The following SPON1 variants were observed in gnomAD, a reference collection of about 807,000 sequenced individuals.
The protein encoded by SPON1 is spondin 1, also known as spondin-1.
A neutral mutation model predicts 111.7 loss-of-function variants in SPON1; 52 were observed. That is an observed-to-expected ratio of 0.47 (90% CI 0.37 to 0.59). The LOEUF (loss-of-function observed/expected upper bound fraction) is 0.59, where lower values mean the gene tolerates loss of function less well. Among genes scored for constraint, SPON1 ranks in the 20% least tolerant of loss-of-function variants. The pLI, the probability that SPON1 is intolerant of heterozygous loss-of-function variation, is 0.00. For synonymous variants in SPON1, 410 were observed against 395.8 expected, an observed-to-expected ratio of 1.04 and a Z score of -0.43; for missense variants, 957 against 1,068.5, an observed-to-expected ratio of 0.90 and a Z score of 1.46.
chr11:14,083,117 G>C (rs936743717), intron 5 of SPON1, among the ~76,000 whole-genome samples: 7 of 152,040 alleles, frequency 4.6e-5, no homozygotes, highest in Non-Finnish European at 8.8e-5. Flanking sequence ...TAATAAACTT[G>C]TTCCAGGTTA....
chr11:13,990,667 C>A (rs1190350393), intron 2 of SPON1, among the ~76,000 whole-genome samples: 1 of 151,832 alleles, frequency 6.6e-6, no homozygotes, highest in African/African-American at 2.4e-5. Context: ...TTCATAGTGT[C>A]GATATTCTTT....
At chr11:14,197,175 C>T (rs1223492513) in intron 6 of SPON1, among the ~76,000 whole-genome samples, 6 of 152,166 alleles carry the variant, frequency 3.9e-5, no homozygotes, top group African/African-American at 1.4e-4. Context: ...ACTGTATGTA[C>T]ATTAAATATT....
intron 6 of SPON1, among the ~76,000 whole-genome samples, chr11:14,168,005 T>C (rs1848050972): frequency 6.6e-6 from 1 of 152,202 alleles, no homozygotes; most frequent in African/African-American, 2.4e-5. Flanking sequence ...CATATTCCTA[T>C]GCCTTCTTAT....
intron 5 of SPON1, among the ~76,000 whole-genome samples, chr11:14,119,087 A>G (rs1849285714): frequency 6.6e-6 from 1 of 152,176 alleles, no homozygotes; most frequent in Non-Finnish European, 1.5e-5. Context: ...TATTATGCTT[A>G]TGGAAACAGG....
chr11:14,046,611 A>G (rs1554917867), intron 3 of SPON1, among the ~76,000 whole-genome samples: 1 of 152,132 alleles, frequency 6.6e-6, no homozygotes, highest in East Asian at 1.9e-4. Context: ...ACACCATTTT[A>G]TAGTGTAAAA....
intron 5 of SPON1, among the ~76,000 whole-genome samples, chr11:14,097,219 A>G (rs1554923960): frequency 6.6e-6 from 1 of 152,242 alleles, no homozygotes; most frequent in Non-Finnish European, 1.5e-5. Context: ...GTTATAAAGT[A>G]GATTATTAGA....
At chr11:14,168,163 T>C (rs565804825) in intron 6 of SPON1, among the ~76,000 whole-genome samples, 1 of 152,324 alleles carries the variant, frequency 6.6e-6, no homozygotes, top group South Asian at 2.1e-4. Flanking sequence ...GCCTTATTTA[T>C]AACCTAATGC....
chr11:14,016,485 A>G (rs1247435735), intron 2 of SPON1, among the ~76,000 whole-genome samples: 4 of 152,234 alleles, frequency 2.6e-5, no homozygotes, highest in Admixed American at 2.0e-4. Flanking sequence ...CCATGTAACT[A>G]TAGCATTGAT....
chr11:14,091,490 G>T lies in SPON1; in HGVS notation c.676+11469G>T, dbSNP rs189430631. Among the ~76,000 whole-genome samples the T allele has an allele frequency of 8.1e-3, 1,238 of 152,318 alleles. 14 individuals carry two copies. The highest frequency in any genetic ancestry group is 0.027 in the African/African-American group (1,134 of 41,574). The stretch of plus-strand genomic sequence containing the variant: ...CCTGCCCCGCGGGAAGGCAGCTCAG[G>T]CTCGGTGAGAAATTGAGCGCAGCAC... On this transcript the variant is annotated intron_variant, in intron 5 of 15. Transcript: ENST00000576479.
chr11:14,125,684 G>A (rs1458823380), intron 5 of SPON1, among the ~76,000 whole-genome samples: 11 of 152,236 alleles, frequency 7.2e-5, no homozygotes, highest in Admixed American at 7.2e-4. Context: ...GCAGCCACTG[G>A]CCAGGAGATC....
chr11:14,189,222 A>T (rs936001554), intron 6 of SPON1, among the ~76,000 whole-genome samples: 4 of 152,220 alleles, frequency 2.6e-5, no homozygotes, highest in Admixed American at 6.5e-5. Flanking sequence ...CAGTCTGCTG[A>T]TACTTTAAAC....
At chr11:14,157,362 C>T (rs1183659661) in intron 6 of SPON1, among the ~76,000 whole-genome samples, 1 of 152,118 alleles carries the variant, frequency 6.6e-6, no homozygotes, top group Non-Finnish European at 1.5e-5. Flanking sequence ...CATCACTTGT[C>T]TGTCTGTGGC....
intron 6 of SPON1, among the ~76,000 whole-genome samples, chr11:14,216,980 T>G (rs913231638): frequency 2.6e-5 from 4 of 152,248 alleles, no homozygotes; most frequent in Admixed American, 1.3e-4. Flanking sequence ...GAGGCAGATA[T>G]AGCAACAGCA....
chr11:14,071,190 G>C (rs1232167282), intron 3 of SPON1, among the ~76,000 whole-genome samples: 2 of 152,030 alleles, frequency 1.3e-5, no homozygotes, highest in African/African-American at 4.8e-5. Context: ...TTATAGTTTT[G>C]ATGGGAATAG....
At chr11:13,971,427 T>A (rs886779026) in intron 1 of SPON1, among the ~76,000 whole-genome samples, 36 of 152,104 alleles carry the variant, frequency 2.4e-4, no homozygotes, top group African/African-American at 8.0e-4. Context: ...AACCTAGACA[T>A]CAATTATTAA....
At chr11:14,096,986 C>G (rs573953990) in intron 5 of SPON1, among the ~76,000 whole-genome samples, 1 of 152,330 alleles carries the variant, frequency 6.6e-6, no homozygotes, top group Non-Finnish European at 1.5e-5. Flanking sequence ...TACATCCCCA[C>G]TGTACTGAGG....
At chr11:14,041,679 T>G (rs373003417) in intron 3 of SPON1, 25 bp downstream of exon 3, 5 of 1,611,834 alleles carry the variant, frequency 3.1e-6, no homozygotes, top group East Asian at 2.2e-5. Context: ...AATCCTTCCC[T>G]GCAGTTTATC....
chr11:14,242,507 C>G (rs186568423), intron 6 of SPON1, among the ~76,000 whole-genome samples: 5 of 152,190 alleles, frequency 3.3e-5, no homozygotes, highest in South Asian at 2.1e-4. Context: ...GAAAGCCCCC[C>G]ACCAGAGCTG....
chr11:14,022,756 C>A (rs782065743), intron 2 of SPON1, among the ~76,000 whole-genome samples: 7 of 152,232 alleles, frequency 4.6e-5, no homozygotes, highest in African/African-American at 1.4e-4. Context: ...ATTACTGAAA[C>A]CTTTTCATAG....
Sources: gnomAD v4.1 joint callset for allele counts (sites outside exome capture counted in the v4.1 genomes callset) on GRCh38, gnomAD v4.1.1 for gene constraint, MANE v1.5 for transcripts, NCBI Gene and HGNC (gene_info 2026-07-23, HGNC 2026-07-21) for gene names.